Variants in LANCL1 observed in about 807,000 individuals in gnomAD.
The protein encoded by LANCL1 is LanC like glutathione S-transferase 1.
LANCL1 carries 50 observed loss-of-function variants against 50.6 expected under a neutral mutation model. The ratio of observed to expected loss-of-function variants is 0.99; its 90% confidence interval spans 0.79 to 1.25. The LOEUF (loss-of-function observed/expected upper bound fraction) is 1.25. Among genes scored for constraint, LANCL1 ranks in the 50% most tolerant of loss-of-function variants. The probability of loss-of-function intolerance (pLI) is 0.00; values close to 1 mark genes in which losing one functional copy is unlikely to be tolerated. For synonymous variants in LANCL1, 188 were observed against 178.6 expected (o/e 1.05, Z -0.42); for missense variants, 532 against 480.7 (o/e 1.11, Z -1.00).
At chr2:210,475,237 T>C (rs778104614) in intron 2 of LANCL1, among the ~76,000 whole-genome samples, 18 of 152,330 alleles carry the variant, frequency 1.2e-4, no homozygotes, top group African/African-American at 1.9e-4. Flanking sequence ...TCACATAAAA[T>C]GTCTTTTGTA....
At chr2:210,471,037 C>CGATT (rs1559722955) in intron 3 of LANCL1, among the ~76,000 whole-genome samples, 2 of 142,098 alleles carry the variant, frequency 1.4e-5, no homozygotes. Flanking sequence ...AACTTTTCTT[C>CGATT]TTTGATTTTT....
intron 8 of LANCL1, among the ~76,000 whole-genome samples, 172 bp from the exon 9 acceptor site, chr2:210,435,631 G>C (rs1281570970): frequency 6.6e-6 from 1 of 152,138 alleles, no homozygotes; most frequent in African/African-American, 2.4e-5. Flanking sequence ...AGCATGGGAG[G>C]AATTTAATGA....
Position 210,435,382 on chromosome 2 carries a change from A to T in LANCL1, c.1123+5T>A. 6.2e-7 allele frequency: 1 copy of T among 1,605,038 alleles called. No individual in the cohort carries two copies. The highest frequency in any genetic ancestry group is 8.5e-7 in the Non-Finnish European group (1 of 1,171,780). ...TAGGGCAAATAAATAAAGTGTACAA[A>T]ATACCTTCAAAGAGAGAGAAAGGGG... On this transcript the variant is annotated splice_donor_5th_base_variant and intron_variant, in intron 9 of 9. Transcript: ENST00000450366.
chr2:210,435,893 C>CTTTTTTTTTT (rs71043994), intron 8 of LANCL1, among the ~76,000 whole-genome samples: 4 of 64,228 alleles, frequency 6.2e-5, no homozygotes, highest in East Asian at 6.0e-4. Context: ...GGGAGACCTG[C>CTTTTTTTTTT]TTTTTTTTTT....
intron 3 of LANCL1, chr2:210,460,971 G>A (rs1693837129): frequency 6.6e-6 from 1 of 152,182 alleles, no homozygotes; most frequent in South Asian, 2.1e-4. Context: ...CAAAAAAACA[G>A]GGAAACATTG....
intron 4 of LANCL1, among the ~76,000 whole-genome samples, chr2:210,453,096 A>G (rs1418129628): frequency 6.6e-6 from 1 of 152,220 alleles, no homozygotes; most frequent in African/African-American, 2.4e-5. Context: ...GAAAAAAATC[A>G]AAGCTATAGC....
chr2:210,460,904 TTTC>T (rs1243606323), intron 3 of LANCL1: 3 of 152,206 alleles, frequency 2.0e-5, no homozygotes, highest in Admixed American at 6.5e-5. Flanking sequence ...TGTCTTTTCT[TTTC>T]TTCTTAATTT....
intron 3 of LANCL1, among the ~76,000 whole-genome samples, chr2:210,456,768 A>G (rs951981040): frequency 1.4e-4 from 21 of 152,196 alleles, no homozygotes; most frequent in Admixed American, 5.2e-4. Context: ...TGTAAGCACC[A>G]AAGCCAGATA....
Position 210,437,738 on chromosome 2 carries a change from C to A in LANCL1, c.825G>T (p.Trp275Cys). Reference sequence around the variant, plus strand: ...AGATTACCCCAGGGGCGCCATGGCACCAATGGACAAGCAGATCTCGATTAT... The same window carrying A: ...AGATTACCCCAGGGGCGCCATGGCAACAATGGACAAGCAGATCTCGATTAT... Reference protein sequence around the residue: ...IGDNRDLLVHWCHGAPGVIYM... With the variant: ...IGDNRDLLVHCCHGAPGVIYM... The change falls in exon 7 of 10, where the codon TGG becomes TGT. Residue 275 changes from tryptophan to cysteine, a missense_variant. Coordinates refer to ENST00000450366, the MANE Select transcript of LANCL1 (RefSeq NM_006055.3). 6.2e-7 allele frequency: 1 copy of A among 1,611,272 alleles called. No homozygotes were observed. The highest frequency in any genetic ancestry group is 1.7e-4 in the Middle Eastern group (1 of 6,048).
chr2:210,472,104 AAAT>A, intron 2 of LANCL1, 28 bp from the exon 3 acceptor site: 4 of 1,491,158 alleles, frequency 2.7e-6, no homozygotes, highest in Non-Finnish European at 2.8e-6. Context: ...ACAAGTATCA[AAAT>A]AATGTGGGTC....
upstream of LANCL1, among the ~76,000 whole-genome samples, chr2:210,476,940 C>T (rs1402142201): frequency 1.3e-5 from 2 of 152,162 alleles, no homozygotes; most frequent in Non-Finnish European, 2.9e-5. Flanking sequence ...CCAATATTTC[C>T]TACCCTTCTT....
intron 4 of LANCL1, among the ~76,000 whole-genome samples, chr2:210,445,263 C>CG (rs1178004224): frequency 6.6e-6 from 1 of 152,120 alleles, no homozygotes; most frequent in African/African-American, 2.4e-5. Flanking sequence ...ATTTGAACCA[C>CG]GGCATTAACT....
intron 4 of LANCL1, among the ~76,000 whole-genome samples, chr2:210,450,498 T>A (rs1175047241): frequency 6.6e-6 from 1 of 152,010 alleles, no homozygotes; most frequent in Non-Finnish European, 1.5e-5. Context: ...ACAAATGGGA[T>A]CTAATTAAAC....
intron 3 of LANCL1, chr2:210,471,422 A>G: frequency 2.8e-6 from 1 of 362,880 alleles, no homozygotes; most frequent in Admixed American, 3.6e-5. Flanking sequence ...CCAGCCTCTC[A>G]ATGATTGAGA....
intron 3 of LANCL1, chr2:210,460,495 T>C (rs1361189747): frequency 6.6e-6 from 1 of 151,998 alleles, no homozygotes; most frequent in Admixed American, 6.5e-5. Flanking sequence ...AAATAAGAAG[T>C]GAAAGTATTC....
At chr2:210,452,421 G>A (rs1693537592) in intron 4 of LANCL1, among the ~76,000 whole-genome samples, 1 of 152,104 alleles carries the variant, frequency 6.6e-6, no homozygotes, top group Non-Finnish European at 1.5e-5. Context: ...CTGATGTGTA[G>A]AAGTGGGTGG....
At chr2:210,441,087 T>C (rs1693114315) in intron 5 of LANCL1, among the ~76,000 whole-genome samples, 1 of 152,182 alleles carries the variant, frequency 6.6e-6, no homozygotes. Context: ...CTCTAAATTC[T>C]GAAATGGAGC....
intron 7 of LANCL1, 152 bp downstream of exon 7, chr2:210,437,538 T>C (rs1257448076): frequency 1.0e-5 from 5 of 487,202 alleles, no homozygotes; most frequent in Non-Finnish European, 1.8e-5. Flanking sequence ...TACAGATAGA[T>C]GGTGAGAATG....
chr2:210,458,631 G>C (rs1050164559), intron 3 of LANCL1, among the ~76,000 whole-genome samples: 6 of 152,134 alleles, frequency 3.9e-5, no homozygotes, highest in African/African-American at 1.2e-4. Context: ...CCTGGTGGGG[G>C]ATGGCGGAGA....
Sources: allele counts gnomAD v4.1 joint callset (sites outside exome capture counted in the v4.1 genomes callset), GRCh38; gene constraint gnomAD v4.1.1; transcripts MANE v1.5; gene names NCBI Gene and HGNC (gene_info 2026-07-23, HGNC 2026-07-21).